The following GALNT14 variants were observed in gnomAD, a reference collection of about 807,000 sequenced individuals.
GALNT14 encodes polypeptide N-acetylgalactosaminyltransferase 14.
Under a neutral mutation model 77.5 loss-of-function variants are expected in GALNT14, and 60 were observed. The ratio of observed to expected loss-of-function variants is 0.77; its 90% CI spans 0.63 to 0.96. The LOEUF (loss-of-function observed/expected upper bound fraction) is 0.96, where lower values mean the gene tolerates loss of function less well. Ranked by LOEUF, GALNT14 falls within the 40% of genes least tolerant of loss-of-function variation. The pLI is 0.00. For synonymous variants in GALNT14, 280 were observed against 281.7 expected, an observed-to-expected ratio of 0.99 and a Z score of 0.06; for missense variants, 710 against 731.0, an observed-to-expected ratio of 0.97 and a Z score of 0.33.
intron 1 of GALNT14, among the ~76,000 whole-genome samples, chr2:31,009,492 T>C (rs541811456): frequency 1.3e-5 from 2 of 152,306 alleles, no homozygotes; most frequent in South Asian, 2.1e-4. Context: ...TCCCTACAGG[T>C]GACTTCCTCC....
intron 2 of GALNT14, among the ~76,000 whole-genome samples, chr2:30,981,583 C>T (rs1045142507): frequency 1.3e-5 from 2 of 151,736 alleles, no homozygotes; most frequent in Admixed American, 1.3e-4. Context: ...ATAAAAAGGG[C>T]TCTGATGCTC....
chr2:30,924,371 T>C (rs1445956001), intron 12 of GALNT14, 108 bp from the exon 13 acceptor site: 7 of 1,220,634 alleles, frequency 5.7e-6, no homozygotes, highest in South Asian at 4.0e-5. Flanking sequence ...GCTGGGCTGT[T>C]AGAAAATATC....
intron 2 of GALNT14, among the ~76,000 whole-genome samples, chr2:30,972,436 A>G (rs1668416033): frequency 6.6e-6 from 1 of 152,190 alleles, no homozygotes; most frequent in African/African-American, 2.4e-5. Context: ...CCTCCTGGAA[A>G]GCTGTTAAAC....
chr2:31,134,717 G>A (rs1260233288), intron 1 of GALNT14, among the ~76,000 whole-genome samples: 1 of 152,174 alleles, frequency 6.6e-6, no homozygotes, highest in Non-Finnish European at 1.5e-5. Flanking sequence ...CTCCAAGGGT[G>A]AGGATCTAGG....
chr2:30,924,162 A>C lies in GALNT14; in HGVS notation c.1337T>G (p.Leu446Trp). ...GCCTTTGACCTTGGCACAGGGGCTC[A>C]ACTTTAGGTTTGGGGTTTCTTGGTT... ...QNNQETPNLK[L>W]SPCAKVKGED... Residue 446 changes from leucine to tryptophan, a missense_variant, in exon 13 of 15, where the codon TTG becomes TGG. Transcript: ENST00000349752. 1 of 1,614,204 alleles carries C rather than the reference A, an allele frequency of 6.2e-7. No individual in the cohort carries two copies.
At chr2:31,133,145 A>G (rs991601917) in intron 1 of GALNT14, among the ~76,000 whole-genome samples, 8 of 152,012 alleles carry the variant, frequency 5.3e-5, no homozygotes, top group Non-Finnish European at 7.4e-5. Flanking sequence ...ATTTTCGGGG[A>G]GACTGATTTG....
At chr2:31,082,508 G>C (rs547448014) in intron 1 of GALNT14, among the ~76,000 whole-genome samples, 1 of 152,228 alleles carries the variant, frequency 6.6e-6, no homozygotes, top group Non-Finnish European at 1.5e-5. Flanking sequence ...CAAAGGACTA[G>C]GAGGCTGACC....
intron 1 of GALNT14, among the ~76,000 whole-genome samples, chr2:30,995,723 C>T (rs1669989995): frequency 6.6e-6 from 1 of 152,142 alleles, no homozygotes; most frequent in South Asian, 2.1e-4. Context: ...TGGTCTCGCA[C>T]TCCTAGCTTC....
intron 1 of GALNT14, among the ~76,000 whole-genome samples, chr2:31,078,527 T>C (rs1675953146): frequency 6.6e-6 from 1 of 152,218 alleles, no homozygotes; most frequent in South Asian, 2.1e-4. Context: ...GAATTTTTCA[T>C]CAAAGCAATC....
chr2:30,929,618 G>A (rs1439428016), intron 10 of GALNT14, 131 bp from the exon 11 acceptor site: 22 of 658,606 alleles, frequency 3.3e-5, no homozygotes, highest in Non-Finnish European at 4.4e-5. Context: ...ATGGTCAACC[G>A]ACTATCATTC....
At chr2:30,913,385 C>T (rs1414540653) in intron 13 of GALNT14, among the ~76,000 whole-genome samples, 4 of 152,062 alleles carry the variant, frequency 2.6e-5, no homozygotes, top group African/African-American at 9.7e-5. Flanking sequence ...GGCTACTTCC[C>T]CTTGGCCCAA....
At chr2:31,019,937 A>C (rs148076283) in intron 1 of GALNT14, among the ~76,000 whole-genome samples, 2 of 152,336 alleles carry the variant, frequency 1.3e-5, no homozygotes, top group East Asian at 3.9e-4. Context: ...ATGAAATTGC[A>C]CTTGAGTAAG....
At chr2:31,123,856 A>G (rs1204675488) in intron 1 of GALNT14, among the ~76,000 whole-genome samples, 7 of 152,204 alleles carry the variant, frequency 4.6e-5, no homozygotes, top group Admixed American at 3.9e-4. Flanking sequence ...ACTTTGACTC[A>G]AAAGAGAAAA....
At chr2:31,040,828 C>A (rs997906253) in intron 1 of GALNT14, among the ~76,000 whole-genome samples, 1 of 152,188 alleles carries the variant, frequency 6.6e-6, no homozygotes, top group African/African-American at 2.4e-5. Flanking sequence ...ATTTCTTGCA[C>A]CCTACGGTTG....
At chr2:31,035,569 A>AGG (rs1275800971) in intron 1 of GALNT14, among the ~76,000 whole-genome samples, 3 of 128,162 alleles carry the variant, frequency 2.3e-5, no homozygotes, top group African/African-American at 6.5e-5. Flanking sequence ...GTGTGTGTGT[A>AGG]TGTGTGTGTG....
At chr2:31,071,603 C>A (rs921801063) in intron 1 of GALNT14, among the ~76,000 whole-genome samples, 5 of 152,072 alleles carry the variant, frequency 3.3e-5, no homozygotes, top group African/African-American at 1.2e-4. Context: ...CCCGGGCCTA[C>A]CTCTCCTGCC....
rs997591271 is a variant in GALNT14 at position 31,056,501 on chromosome 2, C to T, written c.130-63494G>A. Among the ~76,000 whole-genome samples, 5 of 152,288 alleles carry T rather than the reference C, an allele frequency of 3.3e-5. No homozygotes were observed. The South Asian group carries it at 1.0e-3, about 32-fold the overall frequency. On this transcript the variant is annotated intron_variant, in intron 1 of 14. Transcript: ENST00000349752. ...TGGCCAGACATTATGACCCAGATCACTGAGCCATCACTCACCACAATCTAG... is the reference window on the plus strand; with the variant it reads ...TGGCCAGACATTATGACCCAGATCATTGAGCCATCACTCACCACAATCTAG...
intron 1 of GALNT14, among the ~76,000 whole-genome samples, chr2:31,008,516 T>C (rs546026760): frequency 1.3e-5 from 2 of 152,234 alleles, no homozygotes; most frequent in South Asian, 2.1e-4. Flanking sequence ...TCTCACTCAC[T>C]AAATGGCTCC....
chr2:30,960,858 C>G (rs898280597), intron 3 of GALNT14, among the ~76,000 whole-genome samples: 1 of 152,254 alleles, frequency 6.6e-6, no homozygotes, highest in Non-Finnish European at 1.5e-5. Flanking sequence ...TCTTCTCAGC[C>G]TCACCCCCAC....
Sources: allele counts gnomAD v4.1 joint callset (sites outside exome capture counted in the v4.1 genomes callset), GRCh38; gene constraint gnomAD v4.1.1; transcripts MANE v1.5; gene names NCBI Gene and HGNC (gene_info 2026-07-23, HGNC 2026-07-21).